Variants in RASAL2 observed in about 807,000 individuals in gnomAD.
The protein encoded by RASAL2 is RAS protein activator like 2.
A neutral mutation model predicts 128.9 loss-of-function variants in RASAL2; 58 were observed. The ratio of observed to expected loss-of-function variants is 0.45; its 90% CI spans 0.36 to 0.56. The LOEUF is 0.56. Among genes scored for constraint, RASAL2 ranks in the 20% least tolerant of loss-of-function variants. The probability of loss-of-function intolerance (pLI) is 0.00; values close to 1 mark genes in which losing one functional copy is unlikely to be tolerated. For missense variants in RASAL2, 1,360 were observed against 1,601.6 expected (o/e 0.85, Z 2.57); for synonymous variants, 561 against 580.8 (o/e 0.97, Z 0.49).
intron 1 of RASAL2, among the ~76,000 whole-genome samples, chr1:178,119,679 T>C (rs1659645034): frequency 6.6e-6 from 1 of 152,214 alleles, no homozygotes; most frequent in Non-Finnish European, 1.5e-5. Flanking sequence ...CAGAAGTACA[T>C]GTAACATATT....
intron 4 of RASAL2, among the ~76,000 whole-genome samples, chr1:178,414,828 T>C (rs904165024): frequency 3.3e-5 from 5 of 152,286 alleles, no homozygotes; most frequent in Admixed American, 2.6e-4. Flanking sequence ...CCTGTATAAG[T>C]TTGGCAGATC....
chr1:178,162,412 T>C (rs111239604), intron 1 of RASAL2, among the ~76,000 whole-genome samples: 30 of 118,804 alleles, frequency 2.5e-4, no homozygotes, highest in African/African-American at 9.3e-4. Context: ...TTTTATATAT[T>C]ATATATAATA....
At position 178,430,870 on chromosome 1, in the gene RASAL2, C is replaced by CA. The variant is rs1400591898; in HGVS notation, c.675-8548dup. 2.7e-5 allele frequency among the ~76,000 whole-genome samples: 4 copies of CA among 147,424 alleles called. No individual in the cohort carries two copies. In the South Asian group the frequency reaches 8.5e-4, roughly 31 times the overall value. On this transcript the variant is annotated intron_variant, in intron 5 of 17. Coordinates refer to ENST00000367649, the MANE Select transcript of RASAL2 (RefSeq NM_170692.4). ...GTTGATACGAATCCTAACTTGCTGA[C>CA]AAAATAAGAAAGAAGGGAAAAACAA...
At chr1:178,416,583 G>T (rs1479524156) in intron 4 of RASAL2, among the ~76,000 whole-genome samples, 1 of 151,950 alleles carries the variant, frequency 6.6e-6, no homozygotes, top group Non-Finnish European at 1.5e-5. Flanking sequence ...GGTCCAATTT[G>T]TGACCTATAT....
chr1:178,212,310 A>G (rs189706922), intron 1 of RASAL2, among the ~76,000 whole-genome samples: 6 of 152,382 alleles, frequency 3.9e-5, no homozygotes, highest in African/African-American at 1.4e-4. Flanking sequence ...GTAATGAACT[A>G]TAACAAGCAT....
Position 178,464,265 on chromosome 1 carries a change from G to T in RASAL2, c.3253-13G>T. On this transcript the variant is annotated splice_polypyrimidine_tract_variant and intron_variant, in intron 14 of 17. Transcript: ENST00000367649. ...GCTGTTAGGGGAAATGCTAATAACTGTTTCTGATGCAGGTTCAGTCACCTG... is the reference window on the plus strand; with the variant it reads ...GCTGTTAGGGGAAATGCTAATAACTTTTTCTGATGCAGGTTCAGTCACCTG... 1 of 1,602,438 alleles carries T rather than the reference G, an allele frequency of 6.2e-7. No homozygotes were observed. Among genetic ancestry groups the T allele is most frequent in the South Asian group, 1.1e-5 (1 of 88,414 alleles).
At chr1:178,285,103 CTTTTTTTTTTTTT>C (rs58901015) in intron 2 of RASAL2, among the ~76,000 whole-genome samples, 1 of 81,954 alleles carries the variant, frequency 1.2e-5, no homozygotes, top group Admixed American at 1.3e-4. Context: ...TTGCTACTTT[CTTTTTTTTTTTTT>C]TTTTTTTTTT....
At chr1:178,327,152 A>G (rs1171619061) in intron 3 of RASAL2, among the ~76,000 whole-genome samples, 1 of 152,162 alleles carries the variant, frequency 6.6e-6, no homozygotes, top group Non-Finnish European at 1.5e-5. Context: ...GTGTGTATAT[A>G]CAAATTTAGT....
intron 14 of RASAL2, among the ~76,000 whole-genome samples, chr1:178,463,963 A>G (rs1199248045): frequency 3.3e-5 from 5 of 152,152 alleles, no homozygotes; most frequent in Non-Finnish European, 1.5e-5. Flanking sequence ...TCAGCAGGCA[A>G]TTTGTTACCT....
intron 1 of RASAL2, among the ~76,000 whole-genome samples, chr1:178,096,433 G>T: frequency 6.6e-6 from 1 of 150,584 alleles, no homozygotes; most frequent in East Asian, 2.0e-4. Context: ...CCATTCCTAG[G>T]GGTTGATTTG....
chr1:178,243,193 A>G, intron 1 of RASAL2, among the ~76,000 whole-genome samples: 1 of 152,086 alleles, frequency 6.6e-6, no homozygotes, highest in Non-Finnish European at 1.5e-5. Flanking sequence ...GCTTCCAGTG[A>G]CAATTTAATT....
chr1:178,461,376 G>GTAAC (rs1239854674), intron 14 of RASAL2, among the ~76,000 whole-genome samples: 2 of 152,200 alleles, frequency 1.3e-5, no homozygotes, highest in African/African-American at 4.8e-5. Flanking sequence ...TGTCTGCAGA[G>GTAAC]TAACTGGCTT....
Position 178,452,396 on chromosome 1 carries a change from G to T in RASAL2, c.1773-20G>T, listed in dbSNP as rs758592880. On this transcript the variant is annotated intron_variant, in intron 10 of 17. Transcript: ENST00000367649. ...GGTACTTCTGTGTTTAGAGGTTTTG[G>T]TACTTCTTTCCTTCCCTAGTGTTTT... 6.2e-7 allele frequency: 1 copy of T among 1,601,090 alleles called. No homozygotes were observed. The highest frequency in any genetic ancestry group is 2.2e-5 in the East Asian group (1 of 44,834).
At chr1:178,359,543 T>C (rs1670994835) in intron 3 of RASAL2, among the ~76,000 whole-genome samples, 1 of 152,242 alleles carries the variant, frequency 6.6e-6, no homozygotes, top group Non-Finnish European at 1.5e-5. Context: ...TACTTTCATT[T>C]TACAAAACAT....
chr1:178,342,878 A>T (rs1424373135), intron 3 of RASAL2, among the ~76,000 whole-genome samples: 1 of 152,122 alleles, frequency 6.6e-6, no homozygotes, highest in Non-Finnish European at 1.5e-5. Context: ...TCACCTCATG[A>T]ATTATGTGTT....
intron 1 of RASAL2, among the ~76,000 whole-genome samples, chr1:178,182,014 A>G (rs1036808442): frequency 6.6e-6 from 1 of 152,170 alleles, no homozygotes; most frequent in African/African-American, 2.4e-5. Flanking sequence ...TGCTCAGCAC[A>G]CTTAAGGAAT....
chr1:178,448,657 A>C (rs1572094582), intron 9 of RASAL2, among the ~76,000 whole-genome samples: 1 of 151,764 alleles, frequency 6.6e-6, no homozygotes, highest in African/African-American at 2.4e-5. Context: ...AAAAAAGTCC[A>C]CCAAAAAAAA....
chr1:178,302,457 G>A (rs1245949260), intron 3 of RASAL2, among the ~76,000 whole-genome samples: 3 of 152,018 alleles, frequency 2.0e-5, no homozygotes, highest in Non-Finnish European at 4.4e-5. Context: ...AGATGTGAAA[G>A]ACTTCTACAT....
chr1:178,286,813 A>G (rs1169466519), intron 2 of RASAL2, among the ~76,000 whole-genome samples: 1 of 152,136 alleles, frequency 6.6e-6, no homozygotes, highest in East Asian at 1.9e-4. Flanking sequence ...TACGATTCTG[A>G]TATCCATAGA....
Sources: gnomAD v4.1 joint callset for allele counts (sites outside exome capture counted in the v4.1 genomes callset) on GRCh38, gnomAD v4.1.1 for gene constraint, MANE v1.5 for transcripts, NCBI Gene and HGNC (gene_info 2026-07-23, HGNC 2026-07-21) for gene names.